Variants in MAPRE2 observed in about 807,000 individuals in gnomAD.
The protein encoded by MAPRE2 is microtubule-associated protein RP/EB family member 2.
MAPRE2 carries 13 observed loss-of-function variants against 43.2 expected under a neutral mutation model. The ratio of observed to expected loss-of-function variants is 0.30; its 90% confidence interval spans 0.20 to 0.48. The LOEUF (loss-of-function observed/expected upper bound fraction) is 0.48, where lower values mean the gene tolerates loss of function less well. MAPRE2 is among the 20% of genes least tolerant of loss of function. The pLI, the probability that MAPRE2 is intolerant of heterozygous loss-of-function variation, is 0.99. For missense variants in MAPRE2, 161 were observed against 400.2 expected (o/e 0.40, Z 5.10); for synonymous variants, 135 against 148.8 (o/e 0.91, Z 0.68).
intron 1 of MAPRE2, among the ~76,000 whole-genome samples, chr18:35,063,115 T>A (rs1405566350): frequency 6.6e-6 from 1 of 152,136 alleles, no homozygotes; most frequent in Non-Finnish European, 1.5e-5. Context: ...GTTGTTGTTT[T>A]TTTTTTGAGA....
chr18:35,097,658 A>G, intron 3 of MAPRE2, 67 bp downstream of exon 3: 17 of 1,432,988 alleles, frequency 1.2e-5, no homozygotes, highest in East Asian at 2.3e-5. Flanking sequence ...CATAAATGCA[A>G]AAGTCCAGGA....
intron 1 of MAPRE2, among the ~76,000 whole-genome samples, chr18:34,983,826 C>CACCAT (rs2097017612): frequency 6.6e-6 from 1 of 152,070 alleles, no homozygotes; most frequent in Admixed American, 6.5e-5. Flanking sequence ...GATGAGGTTT[C>CACCAT]ACCATGTTGG....
At chr18:35,088,602 G>A (rs951135179) in intron 2 of MAPRE2, among the ~76,000 whole-genome samples, 2 of 152,140 alleles carry the variant, frequency 1.3e-5, no homozygotes, top group Non-Finnish European at 2.9e-5. Flanking sequence ...TTATTGCAAG[G>A]GTAGTTAAAT....
At chr18:35,138,680 G>A (rs1454655351) in intron 6 of MAPRE2, among the ~76,000 whole-genome samples, 1 of 152,062 alleles carries the variant, frequency 6.6e-6, no homozygotes, top group Non-Finnish European at 1.5e-5. Flanking sequence ...GGAGTCCTTT[G>A]ATTCATTGAC....
At chr18:35,117,010 G>A (rs955317268) in intron 4 of MAPRE2, among the ~76,000 whole-genome samples, 1 of 152,300 alleles carries the variant, frequency 6.6e-6, no homozygotes. Context: ...TTAGAATCTC[G>A]TAAACCAGCT....
intron 2 of MAPRE2, among the ~76,000 whole-genome samples, chr18:35,083,798 T>G (rs1454662292): frequency 6.6e-6 from 1 of 152,200 alleles, no homozygotes; most frequent in Non-Finnish European, 1.5e-5. Flanking sequence ...GATATTTTAC[T>G]TGCCAGTAAA....
intron 1 of MAPRE2, among the ~76,000 whole-genome samples, chr18:34,981,460 A>G (rs1038245359): frequency 6.6e-6 from 1 of 152,162 alleles, no homozygotes; most frequent in Non-Finnish European, 1.5e-5. Flanking sequence ...CTAGCTCTGT[A>G]ATATTTACAA....
intron 5 of MAPRE2, among the ~76,000 whole-genome samples, chr18:35,128,886 G>A (rs1603403932): frequency 6.6e-6 from 1 of 151,974 alleles, no homozygotes; most frequent in African/African-American, 2.4e-5. Context: ...AGCCTGAACC[G>A]CCCAGCCCCA....
intron 2 of MAPRE2, among the ~76,000 whole-genome samples, chr18:35,085,160 T>C (rs1303354638): frequency 6.6e-6 from 1 of 152,224 alleles, no homozygotes; most frequent in East Asian, 1.9e-4. Flanking sequence ...CCTTACAGCA[T>C]GTATTTCTGT....
At chr18:34,985,603 T>TGATATATTATAATAATATATAACA (rs2097020384) in intron 1 of MAPRE2, among the ~76,000 whole-genome samples, 1 of 94,340 alleles carries the variant, frequency 1.1e-5, no homozygotes, top group Non-Finnish European at 1.9e-5. Context: ...ATATAACATA[T>TGATATATTATAATAATATATAACA]GATATATTAT....
chr18:35,103,911 T>C (rs925905092), intron 4 of MAPRE2, among the ~76,000 whole-genome samples: 4 of 152,026 alleles, frequency 2.6e-5, no homozygotes, highest in African/African-American at 9.7e-5. Context: ...GAGGAAAAAG[T>C]TGGAGAAAGG....
chr18:35,143,338 A>C lies in MAPRE2; in HGVS notation c.*2969A>C, dbSNP rs941703044. On this transcript the variant is annotated 3_prime_UTR_variant, in exon 7 of 7. Transcript: ENST00000300249. ...TAATAGATGAAAAAGTCTTATTCAG[A>C]TGTATCACATTCATTTTACATTACC... 1.3e-5 allele frequency: 2 copies of C among 152,180 alleles called. No homozygotes were observed. The highest frequency in any genetic ancestry group is 4.8e-5 in the African/African-American group (2 of 41,452). The allele number at this position is 152,180 out of a possible 1,614,324, so 9.4% of individuals were successfully genotyped here. A position where few individuals can be genotyped will look rare whatever the true frequency, so the allele number is the denominator to read the frequency against.
At chr18:34,984,488 C>G (rs899394225) in intron 1 of MAPRE2, 2 of 151,626 alleles carry the variant, frequency 1.3e-5, no homozygotes, top group East Asian at 1.9e-4. Context: ...TTTTGAGGTA[C>G]ATAACATCAG....
chr18:35,041,173 T>G (rs1327932407), upstream of MAPRE2, among the ~76,000 whole-genome samples: 1 of 152,248 alleles, frequency 6.6e-6, no homozygotes, highest in Non-Finnish European at 1.5e-5. Context: ...AAGGCGAGTC[T>G]GCGAGGGGGG....
At chr18:35,025,198 G>A (rs2097044381) in intron 2 of MAPRE2, among the ~76,000 whole-genome samples, 1 of 152,198 alleles carries the variant, frequency 6.6e-6, no homozygotes, top group South Asian at 2.1e-4. Context: ...CAAGTACTGT[G>A]AATGTGGAAG....
At chr18:35,008,736 A>G (rs1305638856) in intron 2 of MAPRE2, among the ~76,000 whole-genome samples, 2 of 152,176 alleles carry the variant, frequency 1.3e-5, no homozygotes, top group African/African-American at 4.8e-5. Flanking sequence ...CTAAGGTCAC[A>G]ATCCCAGAAG....
At chr18:35,027,266 T>C (rs2097045725) in intron 2 of MAPRE2, among the ~76,000 whole-genome samples, 1 of 152,188 alleles carries the variant, frequency 6.6e-6, no homozygotes, top group Admixed American at 6.5e-5. Flanking sequence ...GGGTGGAACT[T>C]TGTGGCAGCC....
intron 6 of MAPRE2, among the ~76,000 whole-genome samples, chr18:35,133,049 G>T (rs1338990132): frequency 1.3e-5 from 2 of 152,146 alleles, no homozygotes; most frequent in Non-Finnish European, 2.9e-5. Flanking sequence ...GTCTCTGGGT[G>T]TTCTGAGCCT....
chr18:35,108,303 A>C (rs1352363977), intron 4 of MAPRE2, among the ~76,000 whole-genome samples: 2 of 152,100 alleles, frequency 1.3e-5, no homozygotes, highest in African/African-American at 4.8e-5. Context: ...ACATGATCTC[A>C]TTCCTTTTTA....
Sources: allele counts gnomAD v4.1 joint callset (sites outside exome capture counted in the v4.1 genomes callset), GRCh38; gene constraint gnomAD v4.1.1; transcripts MANE v1.5; gene names NCBI Gene and HGNC (gene_info 2026-07-23, HGNC 2026-07-21).